DDHD2: variants seen among roughly 807,000 people sequenced by gnomAD.
DDHD2 encodes the protein DDHD domain containing 2.
In DDHD2, 62 loss-of-function variants were observed where a neutral mutation model predicts 91.2. That is an observed-to-expected ratio of 0.68 (90% CI 0.55 to 0.84). The LOEUF is 0.84. DDHD2 is among the 40% of genes least tolerant of loss of function. DDHD2 has a pLI of 0.00. For missense variants in DDHD2, 740 were observed against 846.9 expected, an observed-to-expected ratio of 0.87 and a Z score of 1.57; for synonymous variants, 271 against 293.9, an observed-to-expected ratio of 0.92 and a Z score of 0.80.
intron 16 of DDHD2, among the ~76,000 whole-genome samples, chr8:38,256,651 A>C (rs904021049): frequency 6.6e-6 from 1 of 152,146 alleles, no homozygotes; most frequent in East Asian, 1.9e-4. Flanking sequence ...ATTGCTGAGT[A>C]GTATTCCATT....
At chr8:38,265,095 G>C, downstream of DDHD2, 1 of 633,482 alleles carries the variant, frequency 1.6e-6, no homozygotes, top group Non-Finnish European at 2.8e-6. Context: ...GTGAAACCCT[G>C]TCTCTACTAA....
intron 5 of DDHD2, 187 bp downstream of exon 5, chr8:38,238,396 TTAAAACATATGG>T (rs1416718759): frequency 7.4e-7 from 1 of 1,358,874 alleles, no homozygotes; most frequent in Non-Finnish European, 9.5e-7. Flanking sequence ...AAAATATCTT[TTAAAACATATGG>T]TAGGATGGGT....
chr8:38,273,458 A>C (rs1413247488), downstream of DDHD2: 1 of 152,234 alleles, frequency 6.6e-6, no homozygotes, highest in East Asian at 1.9e-4. Flanking sequence ...TGTAGTATAT[A>C]GGATGTACCC....
chr8:38,247,775 A>G lies in DDHD2; in HGVS notation c.1188A>G (p.Lys396=), dbSNP rs771361508. ...DTPTLEEDLK[K]LQLSEFFDIF... ...CTACACTAGAGGAAGATTTGAAGAA[A>G]CTTCAGCTCTCTGAATTCTTTGATA... is the stretch of plus-strand genomic sequence containing the variant. The change falls in exon 10 of 18, where the codon AAA becomes AAG. Residue 396 remains lysine (K), a synonymous_variant. Coordinates refer to ENST00000397166, the MANE Select transcript of DDHD2 (RefSeq NM_015214.3). 14 of 1,583,418 alleles carry G rather than the reference A, an allele frequency of 8.8e-6. No individual in the cohort carries two copies. The highest frequency in any genetic ancestry group is 1.1e-5 in the Non-Finnish European group (13 of 1,163,178).
Position 38,269,105 on chromosome 8 carries a change from C to T in DDHD2, n.88-2017C>T, listed in dbSNP as rs942641439. ...GCCTGGGAAGCGGGGCCGCCCGGGC[C>T]CGGCCGTGGATCTTTCTTACAGGAA... On this transcript the variant is annotated intron_variant and non_coding_transcript_variant, in intron 1 of 1. Coordinates refer to the DDHD2 transcript ENST00000526071. 39 of 1,526,116 alleles carry T rather than the reference C, an allele frequency of 2.6e-5. No homozygotes were observed. In the African/African-American group the frequency reaches 4.9e-4, roughly 19 times the overall value. The allele number at this position is 1,526,116 out of a possible 1,614,324, so 94.5% of individuals were successfully genotyped here.
chr8:38,267,312 C>T, downstream of DDHD2: 8 of 1,614,026 alleles, frequency 5.0e-6, no homozygotes, highest in Non-Finnish European at 5.9e-6. Flanking sequence ...TCATTCACCA[C>T]GTCCTTATCC....
At chr8:38,259,895 A>G in intron 16 of DDHD2, 145 bp from the exon 17 acceptor site, 4 of 606,170 alleles carry the variant, frequency 6.6e-6, no homozygotes, top group Middle Eastern at 3.4e-4. Context: ...ACCACTGCCA[A>G]TTACATTACT....
chr8:38,264,539 G>A, downstream of DDHD2: 2 of 1,573,744 alleles, frequency 1.3e-6, no homozygotes, highest in East Asian at 2.3e-5. Context: ...TCAGTCAGAG[G>A]AGGATAATAC....
chr8:38,237,889 G>A (rs1485398714), intron 4 of DDHD2, among the ~76,000 whole-genome samples, 200 bp from the exon 5 acceptor site: 1 of 152,206 alleles, frequency 6.6e-6, no homozygotes, highest in Non-Finnish European at 1.5e-5. Flanking sequence ...TGTCTTCCAT[G>A]TAGAAAGGGA....
At chr8:38,258,062 C>T (rs768376479) in intron 16 of DDHD2, among the ~76,000 whole-genome samples, 11 of 152,220 alleles carry the variant, frequency 7.2e-5, no homozygotes, top group African/African-American at 1.4e-4. Flanking sequence ...CCTTGAATTC[C>T]TGGGCTCAAG....
Position 38,252,832 on chromosome 8 carries a change from C to T in DDHD2, c.1720+8C>T, listed in dbSNP as rs1178113637. On this transcript the variant is annotated splice_region_variant and intron_variant, in intron 14 of 17. Transcript: ENST00000397166. Reference sequence around the variant, plus strand: ...GGAAGCGGATGCACTTAGGTAAGTCCGAGCATAGAACTTGATAATTCTAGA... The same window carrying T: ...GGAAGCGGATGCACTTAGGTAAGTCTGAGCATAGAACTTGATAATTCTAGA... 8 of 1,613,070 alleles carry T rather than the reference C, an allele frequency of 5.0e-6. No homozygotes were observed. Among genetic ancestry groups the T allele is most frequent in the South Asian group, 1.1e-5 (1 of 91,048 alleles).
intron 3 of DDHD2, among the ~76,000 whole-genome samples, chr8:38,235,220 A>G (rs1430275927): frequency 6.6e-6 from 1 of 151,934 alleles, no homozygotes; most frequent in Non-Finnish European, 1.5e-5. Flanking sequence ...AAAGGAAAAT[A>G]TTGTAATGGG....
intron 5 of DDHD2, chr8:38,238,630 T>C: frequency 1.0e-6 from 1 of 979,908 alleles, no homozygotes; most frequent in South Asian, 4.7e-5. Context: ...TTTTATAATA[T>C]ATTTAATTGG....
chr8:38,252,682 C>T (rs1428060854), intron 13 of DDHD2, 40 bp from the exon 14 acceptor site: 2 of 1,383,038 alleles, frequency 1.4e-6, no homozygotes, highest in Non-Finnish European at 1.0e-6. Flanking sequence ...CCAGACTGTG[C>T]TTAGCAGAGG....
chr8:38,239,658 G>T (rs1163944455), intron 5 of DDHD2, among the ~76,000 whole-genome samples: 2 of 137,912 alleles, frequency 1.5e-5, no homozygotes, highest in Non-Finnish European at 3.1e-5. Flanking sequence ...CTGCACTCCA[G>T]CCTGGGTGAC....
Position 38,233,042 on chromosome 8 carries a change from ATC to A in DDHD2, c.51_52del (p.Pro18ValfsTer6). The A allele has an allele frequency of 6.2e-7, 1 of 1,614,200 alleles. No individual in the cohort carries two copies. The highest frequency in any genetic ancestry group is 8.5e-7 in the Non-Finnish European group (1 of 1,180,042). ...QQEQLSQSDP[S>X]PSPNSCSSFE... ...AGGAGCAGTTGTCCCAGTCAGATCC[ATC>A]TCCGTCACCAAACTCATGTAGTTCC... On this transcript the variant is annotated frameshift_variant, in exon 2 of 18. Coordinates refer to ENST00000397166, the MANE Select transcript of DDHD2 (RefSeq NM_015214.3). LOFTEE classifies it high-confidence loss of function.
At chr8:38,263,541 T>C, downstream of DDHD2, 1 of 985,438 alleles carries the variant, frequency 1.0e-6, no homozygotes, top group South Asian at 4.7e-5. Context: ...CACTTAGTAA[T>C]TCAACAAATT....
intron 1 of DDHD2, chr8:38,270,411 T>G (rs112682759): frequency 6.6e-6 from 1 of 152,200 alleles, no homozygotes; most frequent in African/African-American, 2.4e-5. Context: ...GTTTCTCATA[T>G]CAATTCCAAA....
chr8:38,240,924 A>G (rs1805204941), intron 6 of DDHD2, among the ~76,000 whole-genome samples: 1 of 152,106 alleles, frequency 6.6e-6, no homozygotes, highest in African/African-American at 2.4e-5. Flanking sequence ...TACAAAAATT[A>G]GCCGGGCGCA....
Sources: allele counts gnomAD v4.1 joint callset (sites outside exome capture counted in the v4.1 genomes callset), GRCh38; gene constraint gnomAD v4.1.1; transcripts MANE v1.5; gene names NCBI Gene and HGNC (gene_info 2026-07-23, HGNC 2026-07-21).